ANKRD26: variants seen among roughly 807,000 people sequenced by gnomAD.
The protein encoded by ANKRD26 is ankyrin repeat domain 26.
ANKRD26 carries 141 observed loss-of-function variants against 208.7 expected under a neutral mutation model. The ratio of observed to expected loss-of-function variants is 0.68; its 90% CI spans 0.59 to 0.78. ANKRD26 has a LOEUF of 0.78. Among genes scored for constraint, ANKRD26 ranks in the 30% least tolerant of loss-of-function variants. ANKRD26 has a pLI of 0.00. For missense variants in ANKRD26, 1,889 were observed against 1,938.7 expected (o/e 0.97, Z 0.48); for synonymous variants, 636 against 660.4 (o/e 0.96, Z 0.57).
intron 16 of ANKRD26, chr10:27,051,337 G>A: frequency 7.9e-7 from 1 of 1,262,694 alleles, no homozygotes; most frequent in Non-Finnish European, 1.0e-6. Flanking sequence ...GAAATACTAT[G>A]CCTTTTTATG....
intron 20 of ANKRD26, among the ~76,000 whole-genome samples, chr10:27,042,798 CAAAAAAAAAAA>C (rs60850386): frequency 2.0e-5 from 1 of 48,950 alleles, no homozygotes; most frequent in Non-Finnish European, 4.4e-5. Flanking sequence ...CAAAAAAATA[CAAAAAAAAAAA>C]AAAAAAAAAA....
intron 4 of ANKRD26, among the ~76,000 whole-genome samples, chr10:26,982,347 C>G (rs2052321151): frequency 6.6e-6 from 1 of 152,138 alleles, no homozygotes; most frequent in Non-Finnish European, 1.5e-5. Context: ...TGACCCAGTT[C>G]TCTGCTTGAC....
At chr10:27,091,812 C>T (rs1459134333) in intron 4 of ANKRD26, among the ~76,000 whole-genome samples, 1 of 152,022 alleles carries the variant, frequency 6.6e-6, no homozygotes, top group Non-Finnish European at 1.5e-5. Context: ...CATGATGAAA[C>T]CCCATCTCTA....
intron 32 of ANKRD26, among the ~76,000 whole-genome samples, chr10:27,011,396 T>G (rs890129135): frequency 2.0e-5 from 3 of 152,140 alleles, no homozygotes; most frequent in African/African-American, 7.2e-5. Flanking sequence ...GCCTCCCAAG[T>G]AGCTGGGATT....
At position 27,054,442 on chromosome 10, in the gene ANKRD26, G is replaced by C. The variant is rs1449598000; in HGVS notation, c.1565-1052C>G. Among the ~76,000 whole-genome samples, 3 of 152,018 alleles carry C rather than the reference G, an allele frequency of 2.0e-5. No individual in the cohort carries two copies. The East Asian group carries it at 5.8e-4, about 29-fold the overall frequency. On this transcript the variant is annotated intron_variant, in intron 15 of 33. Transcript: ENST00000376087. ...TCTACTAAAAATATAAAAATGAGCTGGGCGTGGTGGTGTGTGCCTGTGATC... is the reference window on the plus strand; with the variant it reads ...TCTACTAAAAATATAAAAATGAGCTCGGCGTGGTGGTGTGTGCCTGTGATC...
downstream of ANKRD26, among the ~76,000 whole-genome samples, chr10:27,001,615 C>T (rs558561367): frequency 1.3e-5 from 2 of 152,256 alleles, no homozygotes; most frequent in African/African-American, 2.4e-5. Context: ...AATCTGGCCG[C>T]CCCCACCCTA....
intron 29 of ANKRD26, among the ~76,000 whole-genome samples, chr10:27,020,833 G>T (rs945124070): frequency 2.0e-5 from 3 of 152,062 alleles, no homozygotes; most frequent in Non-Finnish European, 4.4e-5. Flanking sequence ...TAATTTTTTT[G>T]TATTTTTGGT....
intron 4 of ANKRD26, among the ~76,000 whole-genome samples, chr10:27,088,963 C>T (rs565288168): frequency 4.1e-4 from 62 of 152,330 alleles, no homozygotes; most frequent in African/African-American, 1.5e-3. Flanking sequence ...GTGGCTAAAG[C>T]TTCCAGGAGG....
Position 27,028,914 on chromosome 10 carries a change from T to A in ANKRD26, c.3910A>T (p.Thr1304Ser). ...ATTTTGTCCATTTGCTTTTTGACTG[T>A]AACTTTTAACTTGGCATTATCTTTT... is the stretch of plus-strand genomic sequence containing the variant. ...LEKDNAKLKV[T>S]VKKQMDKIEE... The change falls in exon 27 of 34, where the codon ACA becomes TCA. Residue 1304 changes from threonine (T) to serine (S), a missense_variant. By Grantham distance (58) the Thr-to-Ser change is moderately conservative (BLOSUM62 1). Transcript: ENST00000376087. The A allele has an allele frequency of 6.2e-7, 1 of 1,612,628 alleles. No homozygotes were observed. The highest frequency in any genetic ancestry group is 8.5e-7 in the Non-Finnish European group (1 of 1,179,196).
chr10:26,963,521 G>T, the ANKRD26 span, among the ~76,000 whole-genome samples: 1 of 152,130 alleles, frequency 6.6e-6, no homozygotes, highest in South Asian at 2.1e-4. Flanking sequence ...CCCATTCCTG[G>T]ATAGCACATT....
intron 1 of ANKRD26, among the ~76,000 whole-genome samples, chr10:27,097,319 CAAA>C (rs11347521): frequency 2.1e-5 from 3 of 141,886 alleles, no homozygotes; most frequent in Non-Finnish European, 3.1e-5. Context: ...ACTAGAAATA[CAAA>C]AAAAAAAAAA....
At chr10:27,021,120 C>T (rs558125273) in intron 29 of ANKRD26, among the ~76,000 whole-genome samples, 1 of 152,202 alleles carries the variant, frequency 6.6e-6, no homozygotes, top group Non-Finnish European at 1.5e-5. Context: ...ATCCTGCATT[C>T]TTGGAAACCT....
In ANKRD26 at chr10:27,022,618, A is replaced by T; in HGVS notation, c.4155T>A (p.His1385Gln). ...CAAATTGACTAGTTTTTAAATCTCC[A>T]TGGAAACTAAATTCTCCATTTTCAT... ...NEYENGEFSFHGDLKTSQFEM... is the reference protein window; with the variant it reads ...NEYENGEFSFQGDLKTSQFEM... Residue 1385 changes from histidine (H) to glutamine (Q), a missense_variant, in exon 29 of 34, where the codon CAT (histidine) becomes CAA (glutamine). By Grantham distance (24) the His-to-Gln change is conservative. Coordinates refer to ENST00000376087, the MANE Select transcript of ANKRD26 (RefSeq NM_014915.3). 5 of 1,565,628 alleles carry T rather than the reference A, an allele frequency of 3.2e-6. 1 individual carries two copies. In the Middle Eastern group the frequency reaches 6.8e-4, roughly 213 times the overall value.
intron 3 of ANKRD26, among the ~76,000 whole-genome samples, chr10:26,985,957 G>A (rs2052379380): frequency 6.6e-6 from 1 of 152,176 alleles, no homozygotes; most frequent in Non-Finnish European, 1.5e-5. Flanking sequence ...CCAAAAAAGA[G>A]CCCTCATTGC....
chr10:26,963,903 G>GT, the ANKRD26 span, among the ~76,000 whole-genome samples: 3,877 of 71,300 alleles, frequency 0.054, 948 homozygotes, highest in African/African-American at 0.13. Context: ...TGGTTGGTTG[G>GT]TTTTTTTTTT....
chr10:27,064,621 T>C (rs1033515939), intron 11 of ANKRD26, among the ~76,000 whole-genome samples: 4 of 152,212 alleles, frequency 2.6e-5, no homozygotes, highest in Non-Finnish European at 4.4e-5. Context: ...CCCTGTTAAG[T>C]ATAAATAGAA....
At chr10:27,001,044 C>T (rs963248008), downstream of ANKRD26, among the ~76,000 whole-genome samples, 9 of 152,248 alleles carry the variant, frequency 5.9e-5, no homozygotes, top group South Asian at 1.5e-3. Flanking sequence ...GACAGAATAA[C>T]TCAATATTCT....
chr10:27,033,414 CTTATTA>C (rs747011231), intron 24 of ANKRD26, 37 bp from the exon 25 acceptor site: 10 of 1,583,466 alleles, frequency 6.3e-6, no homozygotes, highest in Non-Finnish European at 8.6e-6. Context: ...TATAAATCAC[CTTATTA>C]TTAAGTTATG....
At chr10:26,991,693 G>A (rs190604742), downstream of ANKRD26, among the ~76,000 whole-genome samples, 8 of 152,258 alleles carry the variant, frequency 5.3e-5, no homozygotes, top group Admixed American at 4.6e-4. Context: ...CACCTGCCTC[G>A]CCCTCCCAAA....
Sources: allele counts gnomAD v4.1 joint callset (sites outside exome capture counted in the v4.1 genomes callset), GRCh38; gene constraint gnomAD v4.1.1; transcripts MANE v1.5; gene names NCBI Gene and HGNC (gene_info 2026-07-23, HGNC 2026-07-21).